The following LRRC3B variants were observed in gnomAD, a reference collection of about 807,000 sequenced individuals.
The protein encoded by LRRC3B is leucine rich repeat containing 3B.
Under a neutral mutation model 12.8 loss-of-function variants are expected in LRRC3B, and 2 were observed. That is an observed-to-expected ratio of 0.16 (90% confidence interval 0.06 to 0.49). LRRC3B has a LOEUF of 0.49. LRRC3B is among the 20% of genes least tolerant of loss of function. The probability of loss-of-function intolerance (pLI) is 0.96; values close to 1 mark genes in which losing one functional copy is unlikely to be tolerated. For synonymous variants in LRRC3B, 132 were observed against 122.0 expected (o/e 1.08, Z -0.54); for missense variants, 189 against 319.4 (o/e 0.59, Z 3.11).
At chr3:26,702,156 A>G (rs893764842) in intron 1 of LRRC3B, among the ~76,000 whole-genome samples, 8 of 152,210 alleles carry the variant, frequency 5.3e-5, no homozygotes, top group Non-Finnish European at 8.8e-5. Flanking sequence ...CTAGCAGTAG[A>G]GAAGGTAAAG....
chr3:26,697,736 A>C (rs1011363830), intron 1 of LRRC3B, among the ~76,000 whole-genome samples: 1 of 152,176 alleles, frequency 6.6e-6, no homozygotes, highest in Non-Finnish European at 1.5e-5. Flanking sequence ...ATATCACCCC[A>C]AAACCCTCAC....
intron 1 of LRRC3B, among the ~76,000 whole-genome samples, chr3:26,650,606 G>C (rs944556698): frequency 4.6e-5 from 7 of 151,978 alleles, no homozygotes; most frequent in Admixed American, 3.3e-4. Flanking sequence ...CCAAACACTA[G>C]CATTTCCAAA....
intron 1 of LRRC3B, among the ~76,000 whole-genome samples, chr3:26,683,047 A>C (rs746988575): frequency 4.6e-5 from 7 of 152,116 alleles, no homozygotes; most frequent in Non-Finnish European, 1.0e-4. Flanking sequence ...GATCTTTTTT[A>C]TTCCAGTCAC....
chr3:26,652,384 C>T (rs765111129), intron 1 of LRRC3B, among the ~76,000 whole-genome samples: 9 of 152,094 alleles, frequency 5.9e-5, no homozygotes, highest in Non-Finnish European at 7.3e-5. Context: ...CATATGCTGC[C>T]GGGAAGTGTT....
chr3:26,695,090 T>C (rs1433098544), intron 1 of LRRC3B, among the ~76,000 whole-genome samples: 4 of 152,136 alleles, frequency 2.6e-5, no homozygotes, highest in African/African-American at 9.7e-5. Context: ...ACAGATGGGA[T>C]TACACATTCA....
At chr3:26,641,308 G>C (rs1000707468) in intron 1 of LRRC3B, among the ~76,000 whole-genome samples, 3 of 152,190 alleles carry the variant, frequency 2.0e-5, no homozygotes, top group Non-Finnish European at 4.4e-5. Flanking sequence ...CTAGGAAACT[G>C]GGGGTGGAGA....
At chr3:26,695,782 G>A (rs1486822432) in intron 1 of LRRC3B, among the ~76,000 whole-genome samples, 1 of 152,138 alleles carries the variant, frequency 6.6e-6, no homozygotes, top group Non-Finnish European at 1.5e-5. Flanking sequence ...CTGACTTTCT[G>A]GTCTGCTCTG....
chr3:26,646,093 A>T (rs1699138193), intron 1 of LRRC3B, among the ~76,000 whole-genome samples: 1 of 152,204 alleles, frequency 6.6e-6, no homozygotes, highest in Non-Finnish European at 1.5e-5. Context: ...CTTATCGTTC[A>T]TAATGTAGGC....
At chr3:26,695,294 G>A (rs759190952) in intron 1 of LRRC3B, among the ~76,000 whole-genome samples, 4 of 152,194 alleles carry the variant, frequency 2.6e-5, no homozygotes, top group African/African-American at 4.8e-5. Flanking sequence ...TTGGGGGGCC[G>A]AGGCGGGGGG....
At chr3:26,627,969 C>T (rs1026768709) in intron 1 of LRRC3B, among the ~76,000 whole-genome samples, 6 of 152,114 alleles carry the variant, frequency 3.9e-5, no homozygotes, top group African/African-American at 1.4e-4. Context: ...GAAGGGGAAT[C>T]CTTTGGAACC....
chr3:26,649,813 T>C (rs1480427516), intron 1 of LRRC3B, among the ~76,000 whole-genome samples: 1 of 152,192 alleles, frequency 6.6e-6, no homozygotes. Context: ...TCTCCTAAGA[T>C]GTTGCATGGT....
intron 1 of LRRC3B, among the ~76,000 whole-genome samples, chr3:26,685,486 C>CCTCTCTCTCTCTCTCTCT (rs61229084): frequency 2.0e-5 from 1 of 49,572 alleles, no homozygotes; most frequent in African/African-American, 9.3e-5. Flanking sequence ...AGACTCTCTC[C>CCTCTCTCTCTCTCTCTCT]CTCTCTCTCT....
intron 1 of LRRC3B, chr3:26,625,456 A>G (rs1698604966): frequency 6.6e-6 from 1 of 152,238 alleles, no homozygotes; most frequent in South Asian, 2.1e-4. Flanking sequence ...CCACACCCTC[A>G]CAGACCAGGC....
chr3:26,680,348 T>C (rs1018622656), intron 1 of LRRC3B, among the ~76,000 whole-genome samples: 3 of 152,244 alleles, frequency 2.0e-5, no homozygotes, highest in African/African-American at 7.2e-5. Context: ...GCTTTTGGAA[T>C]ATTTGTCTCA....
chr3:26,673,590 G>T (rs13326447), intron 1 of LRRC3B, among the ~76,000 whole-genome samples: 121 of 152,292 alleles, frequency 7.9e-4, no homozygotes, highest in African/African-American at 2.7e-3. Flanking sequence ...AAAGAGAAGA[G>T]AATATTCCAG....
At chr3:26,699,246 G>C (rs1700394625) in intron 1 of LRRC3B, among the ~76,000 whole-genome samples, 3 of 152,088 alleles carry the variant, frequency 2.0e-5, no homozygotes, top group Admixed American at 1.3e-4. Context: ...CCTCAAGACA[G>C]AATGATCTTA....
At chr3:26,679,756 C>T (rs912723094) in intron 1 of LRRC3B, among the ~76,000 whole-genome samples, 5 of 152,192 alleles carry the variant, frequency 3.3e-5, no homozygotes, top group African/African-American at 9.6e-5. Context: ...TTTATGAGGG[C>T]AGAAACCTTG....
chr3:26,709,568 T>C lies in LRRC3B; in HGVS notation c.-105T>C. 8.6e-7 allele frequency: 1 copy of C among 1,167,686 alleles called. No individual in the cohort carries two copies. The highest frequency in any genetic ancestry group is 2.4e-5 in the East Asian group (1 of 42,436). The allele number at this position is 1,167,686 out of a possible 1,614,324, so 72.3% of individuals were successfully genotyped here. A position where few individuals can be genotyped will look rare whatever the true frequency, so the allele number is the denominator to read the frequency against. On this transcript the variant is annotated 5_prime_UTR_variant, in exon 2 of 2. The change abolishes the stop of an existing upstream ORF in the 5' untranslated region. Coordinates refer to ENST00000396641, the Ensembl canonical transcript of LRRC3B. Reference sequence around the variant, plus strand: ...GACACATGTGTTAGCTGCAGCCTTTTGAAACACGCAAGAAGGAAATCAATA... The same window carrying C: ...GACACATGTGTTAGCTGCAGCCTTTCGAAACACGCAAGAAGGAAATCAATA...
chr3:26,692,541 C>T (rs934964687), intron 1 of LRRC3B, among the ~76,000 whole-genome samples: 4 of 152,124 alleles, frequency 2.6e-5, no homozygotes, highest in South Asian at 2.1e-4. Context: ...AATTTGGTAT[C>T]TAATGACAAT....
Sources: gnomAD v4.1 joint callset for allele counts (sites outside exome capture counted in the v4.1 genomes callset) on GRCh38, gnomAD v4.1.1 for gene constraint, MANE v1.5 for transcripts, NCBI Gene and HGNC (gene_info 2026-07-23, HGNC 2026-07-21) for gene names.